Variants in PAX2 observed in about 807,000 individuals in gnomAD.
The protein encoded by PAX2 is paired box 2, also known as paired box protein Pax-2.
Under a neutral mutation model 41.7 loss-of-function variants are expected in PAX2, and 9 were observed. That is an observed-to-expected ratio of 0.22 (90% CI 0.13 to 0.38). PAX2 has a LOEUF of 0.38. PAX2 is among the 10% of genes least tolerant of loss of function. PAX2 has a pLI of 1.00. For missense variants in PAX2, 418 were observed against 531.6 expected (o/e 0.79, Z 2.10); for synonymous variants, 221 against 212.7 (o/e 1.04, Z -0.34).
intron 5 of PAX2, among the ~76,000 whole-genome samples, chr10:100,788,610 T>G (rs1382486770): frequency 6.6e-6 from 1 of 152,166 alleles, no homozygotes; most frequent in Non-Finnish European, 1.5e-5. Flanking sequence ...CCTGAGTCTC[T>G]CAGCGGCATT....
At chr10:100,769,636 A>AAAT (rs1846142566) in intron 3 of PAX2, among the ~76,000 whole-genome samples, 1 of 146,238 alleles carries the variant, frequency 6.8e-6, no homozygotes, top group Non-Finnish European at 1.5e-5. Flanking sequence ...GAATAAAATA[A>AAAT]AATAAAATAA....
chr10:100,765,225 C>G (rs77428150), intron 3 of PAX2, among the ~76,000 whole-genome samples: 1 of 152,200 alleles, frequency 6.6e-6, no homozygotes, highest in Non-Finnish European at 1.5e-5. Context: ...TTATTCTTTG[C>G]CTGACAAGAG....
intron 7 of PAX2, among the ~76,000 whole-genome samples, chr10:100,822,902 C>G (rs1274002966): frequency 6.6e-6 from 1 of 152,114 alleles, no homozygotes; most frequent in African/African-American, 2.4e-5. Flanking sequence ...TACAGGGAAT[C>G]AGTAATAGTT....
chr10:100,754,888 A>G (rs1279251396), intron 3 of PAX2, among the ~76,000 whole-genome samples: 1 of 152,174 alleles, frequency 6.6e-6, no homozygotes, highest in Non-Finnish European at 1.5e-5. Context: ...TTTGGTGGTC[A>G]GGGCTGTTGG....
chr10:100,825,749 G>C (rs948560578), intron 8 of PAX2, among the ~76,000 whole-genome samples: 1 of 152,158 alleles, frequency 6.6e-6, no homozygotes, highest in African/African-American at 2.4e-5. Context: ...GCTTGGGGTA[G>C]GGGCAGCGGC....
intron 4 of PAX2, 119 bp from the exon 5 acceptor site, chr10:100,781,127 G>T (rs1244645375): frequency 1.0e-6 from 1 of 953,478 alleles, no homozygotes; most frequent in East Asian, 2.4e-5. Context: ...AGGAACGTGG[G>T]CTCCTCATCC....
intron 3 of PAX2, among the ~76,000 whole-genome samples, chr10:100,770,443 T>C (rs994725168): frequency 5.3e-5 from 8 of 152,246 alleles, no homozygotes; most frequent in Non-Finnish European, 7.3e-5. Flanking sequence ...GGGCTTGGCA[T>C]GCACCACAGA....
At chr10:100,738,054 T>C (rs1458492813) in intron 1 of PAX2, among the ~76,000 whole-genome samples, 1 of 152,256 alleles carries the variant, frequency 6.6e-6, no homozygotes, top group Non-Finnish European at 1.5e-5. Flanking sequence ...CCTCCCTTTT[T>C]CTGCACTGCT....
chr10:100,735,691 G>A, exon 1 of PAX2: 2 of 1,056,486 alleles, frequency 1.9e-6, no homozygotes, highest in Non-Finnish European at 2.3e-6. Context: ...AGGACGCGGC[G>A]GCCGCGGGGA....
intron 6 of PAX2, among the ~76,000 whole-genome samples, chr10:100,808,323 G>A (rs1464831386): frequency 1.3e-5 from 2 of 152,114 alleles, no homozygotes; most frequent in African/African-American, 2.4e-5. Flanking sequence ...AGCCATGGAG[G>A]GGAGGGGGTA....
Position 100,750,483 on chromosome 10 carries a change from C to G in PAX2, c.213-211C>G, listed in dbSNP as rs1845399090. On this transcript the variant is annotated intron_variant, in intron 2 of 9. Transcript: ENST00000355243. The surrounding 1 kb of genome is among the most constrained non-coding windows in gnomAD (Gnocchi z 4.1). ...AACCCAGCCCCTGGTGTGGCCGTCTCCCTGGAGGGATGGTACCCCTTGTCC... is the reference window on the plus strand; with the variant it reads ...AACCCAGCCCCTGGTGTGGCCGTCTGCCTGGAGGGATGGTACCCCTTGTCC... 6.6e-6 allele frequency among the ~76,000 whole-genome samples: 1 copy of G among 152,230 alleles called. No individual in the cohort carries two copies. Among genetic ancestry groups the G allele is most frequent in the Non-Finnish European group, 1.5e-5 (1 of 68,044 alleles).
At position 100,793,567 on chromosome 10, in the gene PAX2, G is replaced by A. The variant is rs151290780; in HGVS notation, c.616+12202G>A. ...GGGGGCTCTTTTTCGGGGGAGCTAA[G>A]TTATTCAAAGTGAGGAAAGTAAATG... On this transcript the variant is annotated intron_variant, in intron 5 of 9. Coordinates refer to ENST00000355243, the MANE Select transcript of PAX2 (RefSeq NM_000278.5). Among the ~76,000 whole-genome samples, 787 of 152,326 alleles carry A rather than the reference G, an allele frequency of 5.2e-3. 11 individuals are homozygous for A. The highest frequency in any genetic ancestry group is 0.018 in the African/African-American group (746 of 41,566).
At chr10:100,744,846 C>T (rs1414020728), upstream of PAX2, among the ~76,000 whole-genome samples, 3 of 152,162 alleles carry the variant, frequency 2.0e-5, no homozygotes, top group African/African-American at 4.8e-5. Context: ...TGCCCAGACC[C>T]GGTGGGCAAG....
At chr10:100,742,854 T>TTTTTG (rs1845017517), upstream of PAX2, among the ~76,000 whole-genome samples, 1 of 45,154 alleles carries the variant, frequency 2.2e-5, no homozygotes, top group African/African-American at 1.1e-4. Flanking sequence ...TTTTTTTTTT[T>TTTTTG]TTTTTTTTTT....
At position 100,829,786 on chromosome 10, in the gene PAX2, C is replaced by T. The variant is rs1035745289; in HGVS notation, c.*2167C>T. 2 of 205,308 alleles carry T rather than the reference C, an allele frequency of 9.7e-6. No individual in the cohort carries two copies. The highest frequency in any genetic ancestry group is 2.0e-5 in the Non-Finnish European group (2 of 100,028). The allele number at this position is 205,308 out of a possible 1,614,324, so 12.7% of individuals were successfully genotyped here. On this transcript the variant is annotated 3_prime_UTR_variant, in exon 10 of 10. Coordinates refer to ENST00000355243, the MANE Select transcript of PAX2 (RefSeq NM_000278.5). ...CCTGTGGGGCTGGCCGGGCAGAGAC[C>T]CCGGACCCAGGCCCAGGCCTAACCT...
At chr10:100,806,210 G>A (rs1390031261) in intron 5 of PAX2, among the ~76,000 whole-genome samples, 1 of 152,160 alleles carries the variant, frequency 6.6e-6, no homozygotes, top group East Asian at 1.9e-4. Flanking sequence ...CTCTTACCAG[G>A]TCCTCAGGTC....
At chr10:100,819,256 A>G (rs1165157037) in intron 7 of PAX2, among the ~76,000 whole-genome samples, 2 of 148,272 alleles carry the variant, frequency 1.3e-5, no homozygotes, top group African/African-American at 2.6e-5. Flanking sequence ...TCAAAAAAAA[A>G]AAAGGGGGGG....
chr10:100,764,498 A>G (rs1168793850), intron 3 of PAX2, among the ~76,000 whole-genome samples: 1 of 152,152 alleles, frequency 6.6e-6, no homozygotes, highest in African/African-American at 2.4e-5. Context: ...TGTGAACAGA[A>G]TTGTGTATCA....
chr10:100,735,699 G>T, exon 1 of PAX2: 1 of 1,055,584 alleles, frequency 9.5e-7, no homozygotes, highest in Non-Finnish European at 1.1e-6. Flanking sequence ...GCGGCCGCGG[G>T]GAGCCTAGCA....
Sources: gnomAD v4.1 joint callset for allele counts (sites outside exome capture counted in the v4.1 genomes callset) on GRCh38, gnomAD v4.1.1 for gene constraint, Gnocchi (gnomAD v3.1) non-coding constraint, MANE v1.5 for transcripts, NCBI Gene and HGNC (gene_info 2026-07-23, HGNC 2026-07-21) for gene names.